NBPF12: variants seen among roughly 807,000 people sequenced by gnomAD.
NBPF12 encodes the protein NBPF member 12.
NBPF12 carries 115 observed loss-of-function variants against 146.4 expected under a neutral mutation model. That is an observed-to-expected ratio of 0.79 (90% CI 0.68 to 0.92). The LOEUF (loss-of-function observed/expected upper bound fraction) is 0.92, where lower values mean the gene tolerates loss of function less well. Ranked by LOEUF, NBPF12 falls within the 40% of genes least tolerant of loss-of-function variation. The pLI is 0.00. For synonymous variants in NBPF12, 385 were observed against 508.9 expected (o/e 0.76, Z 3.28); for missense variants, 1,205 against 1,326.8 (o/e 0.91, Z 1.43).
chr1:146,994,586 C>T lies in NBPF12; in HGVS notation c.*11C>T, dbSNP rs781825785. 19 of 1,607,572 alleles carry T rather than the reference C, an allele frequency of 1.2e-5. No homozygotes were observed. In the East Asian group the frequency reaches 2.0e-4, roughly 17 times the overall value. On this transcript the variant is annotated 3_prime_UTR_variant, in exon 34 of 34. Transcript: ENST00000617844. ...ATATTCCCACAATAAGCAGCCCTTACTAAGCCGAGAGGTTTCATTCCTGCA... is the reference window on the plus strand; with the variant it reads ...ATATTCCCACAATAAGCAGCCCTTATTAAGCCGAGAGGTTTCATTCCTGCA...
chr1:146,974,825 C>G, exon 15 of NBPF12: 2 of 1,264,816 alleles, frequency 1.6e-6, no homozygotes, highest in East Asian at 2.9e-5. Flanking sequence ...GCAGCTGAAG[C>G]AAGCTGAGGA....
rs1419582369 is a variant in NBPF12 at position 146,964,545 on chromosome 1, A to G, written c.566+116A>G. 4.5e-6 allele frequency: 7 copies of G among 1,546,598 alleles called. No homozygotes were observed. The Admixed American group carries it at 8.4e-5, about 18-fold the overall frequency. On this transcript the variant is annotated intron_variant, in intron 7 of 33. Transcript: ENST00000617844. Reference sequence around the variant, plus strand: ...AAGCCCGCATTCCCTTGGCCACAGTATGTGAAATTCAACCCAGCTTAGACA... The same window carrying G: ...AAGCCCGCATTCCCTTGGCCACAGTGTGTGAAATTCAACCCAGCTTAGACA...
chr1:146,940,892 A>G (rs1202196851), intron 1 of NBPF12, among the ~76,000 whole-genome samples: 5 of 151,908 alleles, frequency 3.3e-5, no homozygotes, highest in African/African-American at 1.2e-4. Context: ...TGCCATTTAT[A>G]TGTCCTCTTT....
intron 2 of NBPF12, among the ~76,000 whole-genome samples, chr1:146,954,389 C>CAAAAAAAAAA (rs1170420550): frequency 1.2e-4 from 3 of 24,024 alleles, no homozygotes; most frequent in Non-Finnish European, 1.7e-4. Context: ...GACTCTGTCT[C>CAAAAAAAAAA]AAAAAAAAAA....
At chr1:146,970,755 T>C (rs1559523133) in intron 12 of NBPF12, 36 bp downstream of exon 15, 3 of 1,294,532 alleles carry the variant, frequency 2.3e-6, no homozygotes, top group East Asian at 4.6e-5. Flanking sequence ...TAATGGGTGT[T>C]AACATATGAA....
At chr1:146,968,688 A>G in intron 10 of NBPF12, 138 bp downstream of exon 13, 1 of 754,756 alleles carries the variant, frequency 1.3e-6, no homozygotes, top group East Asian at 2.5e-5. Context: ...CTACACACAA[A>G]TATTTATCAA....
At chr1:146,962,441 G>T (rs1366366570) in intron 5 of NBPF12, among the ~76,000 whole-genome samples, 178 bp downstream of exon 8, 3 of 151,964 alleles carry the variant, frequency 2.0e-5, no homozygotes, top group Non-Finnish European at 4.4e-5. Context: ...GTTCTGTGTT[G>T]CAGTTGTTTC....
In NBPF12 at chr1:146,986,078, G is replaced by C. The variant is rs1416480681; in HGVS notation, c.2892-274G>C. ...TGTGTGTCCCGAGGGCACTAAATCA[G>C]AGTGTCCTTTGACCCCTTCATCAGT... On this transcript the variant is annotated intron_variant, in intron 23 of 33. Coordinates refer to ENST00000617844, the Ensembl canonical transcript of NBPF12. 1.2e-4 allele frequency among the ~76,000 whole-genome samples: 19 copies of C among 152,008 alleles called. No homozygotes were observed. The South Asian group carries it at 3.5e-3, about 28-fold the overall frequency.
rs1297999800 is a variant in NBPF12, at chr1:146,970,912, T to A, written c.1379+193T>A. The stretch of plus-strand genomic sequence containing the variant: ...GTATGTGTGCCAAGTGTCATGTCTG[T>A]ACCATACAGGGATAGCTGAGTCTTC... On this transcript the variant is annotated intron_variant, in intron 12 of 33. Coordinates refer to ENST00000617844, the Ensembl canonical transcript of NBPF12. 1.3e-5 allele frequency among the ~76,000 whole-genome samples: 2 copies of A among 151,428 alleles called. 1 individual carries two copies. The highest frequency in any genetic ancestry group is 4.9e-5 in the African/African-American group (2 of 40,840).
chr1:146,978,213 C>CCCTG (rs1363894451), intron 18 of NBPF12, among the ~76,000 whole-genome samples: 58 of 149,694 alleles, frequency 3.9e-4, no homozygotes, highest in South Asian at 1.5e-3. Flanking sequence ...TGGTTCTCCA[C>CCCTG]CCTGTCAATG....
In NBPF12 at chr1:146,962,024, T is replaced by C. The variant is rs1215761649; in HGVS notation, c.176-137T>C. 66 of 717,118 alleles carry C rather than the reference T, an allele frequency of 9.2e-5. 1 individual carries two copies. Among genetic ancestry groups the C allele is most frequent in the Middle Eastern group, 4.0e-4 (1 of 2,510 alleles). The allele number at this position is 717,118 out of a possible 1,614,324, so 44.4% of individuals were successfully genotyped here. ...AAGTCAGGAGACTGAAGAGTAAAGA[T>C]GTGGAAATCCCTGTCTAGACCCTGG... On this transcript the variant is annotated intron_variant, in intron 4 of 33. Coordinates refer to ENST00000617844, the Ensembl canonical transcript of NBPF12.
At chr1:146,981,314 T>TATATATAC (rs1346881147) in intron 19 of NBPF12, among the ~76,000 whole-genome samples, 8 of 127,824 alleles carry the variant, frequency 6.3e-5, no homozygotes, top group African/African-American at 2.3e-4. Flanking sequence ...TATATATATA[T>TATATATAC]ACATACACAC....
chr1:146,939,649 G>A (rs1353554566), intron 1 of NBPF12, among the ~76,000 whole-genome samples: 2 of 151,952 alleles, frequency 1.3e-5, no homozygotes, highest in African/African-American at 2.4e-5. Context: ...CTCATTTGGC[G>A]TCCTTTCACC....
intron 2 of NBPF12, among the ~76,000 whole-genome samples, chr1:146,953,758 T>C (rs1227454185): frequency 1.4e-5 from 2 of 138,360 alleles, no homozygotes; most frequent in East Asian, 4.5e-4. Context: ...TGAATGCTTT[T>C]CTATTAAATC....
In NBPF12 at chr1:146,962,539, C is replaced by G. The variant is rs1450580170; in HGVS notation, c.278+276C>G. 3.3e-5 allele frequency among the ~76,000 whole-genome samples: 5 copies of G among 151,780 alleles called. No homozygotes were observed. In the East Asian group the frequency reaches 7.7e-4, roughly 24 times the overall value. ...AATTCACCAAAGGAGTGGGAACCAC[C>G]TAGCAGCATTCAGTATACTCAAAAT... On this transcript the variant is annotated intron_variant, in intron 5 of 33. Coordinates refer to ENST00000617844, the Ensembl canonical transcript of NBPF12.
At chr1:146,944,611 C>T (rs1553883132), upstream of NBPF12, among the ~76,000 whole-genome samples, 12,858 of 151,340 alleles carry the variant, frequency 0.085, 686 homozygotes, top group East Asian at 0.22. Flanking sequence ...CTGGCAACAG[C>T]GGGCCAGAGG....
chr1:146,950,599 T>C (rs1316196966), intron 1 of NBPF12, among the ~76,000 whole-genome samples: 1 of 151,986 alleles, frequency 6.6e-6, no homozygotes, highest in Non-Finnish European at 1.5e-5. Flanking sequence ...GAAACCATTA[T>C]TATTTATCAT....
At chr1:146,964,998 C>T in exon 8 of NBPF12, 2 of 1,608,020 alleles carry the variant, frequency 1.2e-6, no homozygotes, top group South Asian at 1.1e-5. Flanking sequence ...TCCAGCCTCA[C>T]AAGAACATCA....
chr1:146,972,801 G>C (rs1553886779), exon 14 of NBPF12: 2 of 1,330,504 alleles, frequency 1.5e-6, no homozygotes, highest in Non-Finnish European at 2.2e-6. Context: ...GGTATCAGCC[G>C]GCCCTTTGTC....
Sources: gnomAD v4.1 joint callset for allele counts (sites outside exome capture counted in the v4.1 genomes callset) on GRCh38, gnomAD v4.1.1 for gene constraint, MANE v1.5 for transcripts, NCBI Gene and HGNC (gene_info 2026-07-23, HGNC 2026-07-21) for gene names.